Variants in HECW1 observed in about 807,000 individuals in gnomAD.
The protein encoded by HECW1 is E3 ubiquitin-protein ligase HECW1.
Under a neutral mutation model 182.3 loss-of-function variants are expected in HECW1, and 61 were observed. The observed-to-expected ratio is 0.33, with a 90% CI of 0.27 to 0.41. The LOEUF is 0.41. Among genes scored for constraint, HECW1 ranks in the 10% least tolerant of loss-of-function variants. HECW1 has a pLI of 1.00. For missense variants in HECW1, 1,739 were observed against 2,108.9 expected (o/e 0.82, Z 3.44); for synonymous variants, 859 against 832.6 (o/e 1.03, Z -0.55).
intron 15 of HECW1, among the ~76,000 whole-genome samples, chr7:43,468,122 TGTACC>T (rs1354184439): frequency 7.9e-5 from 12 of 151,770 alleles, no homozygotes; most frequent in Non-Finnish European, 1.5e-4. Flanking sequence ...ACCAACCCTG[TGTACC>T]GTCACATTGT....
intron 16 of HECW1, 101 bp from the exon 17 acceptor site, chr7:43,479,509 A>C (rs2078341446): frequency 7.2e-7 from 1 of 1,382,064 alleles, no homozygotes; most frequent in South Asian, 1.3e-5. Flanking sequence ...GGGCAGAAAT[A>C]AACCTGAGGC....
At chr7:43,550,362 C>T (rs1440294647) in intron 26 of HECW1, 83 bp from the exon 27 acceptor site, 29 of 1,482,656 alleles carry the variant, frequency 2.0e-5, no homozygotes, top group African/African-American at 8.3e-5. Context: ...TTTTGGCATA[C>T]GGTCATCCCC....
At chr7:43,125,314 T>C (rs1786089202) in intron 2 of HECW1, among the ~76,000 whole-genome samples, 1 of 152,192 alleles carries the variant, frequency 6.6e-6, no homozygotes, top group Admixed American at 6.5e-5. Context: ...AAAAAGACCA[T>C]GATCATGGCT....
At chr7:43,192,228 C>T (rs562255463) in intron 2 of HECW1, among the ~76,000 whole-genome samples, 4 of 152,020 alleles carry the variant, frequency 2.6e-5, no homozygotes, top group Non-Finnish European at 2.9e-5. Flanking sequence ...CAAAGTGCTG[C>T]GATTACAGGC....
rs1397785355 is a variant in HECW1 at position 43,562,234 on chromosome 7, G to A, written c.*308G>A. ...TACTAACAATGAAATATGAATGCAA[G>A]TTAAGCTACACTTGACCAAATGGTA... On this transcript the variant is annotated 3_prime_UTR_variant, in exon 30 of 30. Coordinates refer to ENST00000395891, the MANE Select transcript of HECW1 (RefSeq NM_015052.5). 1.1e-5 allele frequency: 3 copies of A among 280,764 alleles called. No individual in the cohort carries two copies. Among genetic ancestry groups the A allele is most frequent in the African/African-American group, 4.3e-5 (2 of 46,226 alleles). The allele number at this position is 280,764 out of a possible 1,614,324, so 17.4% of individuals were successfully genotyped here. A position where few individuals can be genotyped will look rare whatever the true frequency, so the allele number is the denominator to read the frequency against.
At chr7:43,392,095 G>A (rs140890780) in intron 6 of HECW1, among the ~76,000 whole-genome samples, 219 of 152,152 alleles carry the variant, frequency 1.4e-3, no homozygotes, top group African/African-American at 5.1e-3. Context: ...TCATTTTTAG[G>A]TTCCATTATT....
intron 8 of HECW1, among the ~76,000 whole-genome samples, chr7:43,424,175 C>T (rs1371113755): frequency 6.6e-6 from 1 of 152,130 alleles, no homozygotes; most frequent in East Asian, 1.9e-4. Context: ...CTTAGCAGGT[C>T]CCCATCTTTG....
chr7:43,237,997 A>G (rs1050809509), intron 2 of HECW1, among the ~76,000 whole-genome samples: 6 of 152,190 alleles, frequency 3.9e-5, no homozygotes, highest in African/African-American at 1.4e-4. Flanking sequence ...ATTCTGCCCC[A>G]TCATATTGCT....
intron 6 of HECW1, among the ~76,000 whole-genome samples, chr7:43,385,402 T>G (rs2074753720): frequency 6.7e-6 from 1 of 150,346 alleles, no homozygotes; most frequent in South Asian, 2.1e-4. Context: ...TCTTCTGCCC[T>G]CTAATTTTGT....
At chr7:43,522,638 A>G (rs1402460176) in intron 24 of HECW1, 6 of 156,912 alleles carry the variant, frequency 3.8e-5, no homozygotes, top group Admixed American at 3.1e-4. Flanking sequence ...TCTAGACACC[A>G]TGCCTCAGTC....
At chr7:43,144,285 A>T (rs1220017482) in intron 2 of HECW1, among the ~76,000 whole-genome samples, 1 of 152,086 alleles carries the variant, frequency 6.6e-6, no homozygotes, top group East Asian at 1.9e-4. Flanking sequence ...TATCAATATG[A>T]CTCATCACTG....
chr7:43,556,183 C>T (rs2082012092), intron 29 of HECW1, among the ~76,000 whole-genome samples: 1 of 152,106 alleles, frequency 6.6e-6, no homozygotes, highest in South Asian at 2.1e-4. Context: ...GAGAACATGC[C>T]ACTAAAAAAC....
chr7:43,144,937 A>G (rs943223648), intron 2 of HECW1, among the ~76,000 whole-genome samples: 2 of 152,226 alleles, frequency 1.3e-5, no homozygotes, highest in African/African-American at 2.4e-5. Context: ...CTTGCTTTTA[A>G]AATTCCTTCT....
chr7:43,291,089 A>G (rs1805342393), intron 3 of HECW1, among the ~76,000 whole-genome samples: 1 of 152,228 alleles, frequency 6.6e-6, no homozygotes, highest in Admixed American at 6.5e-5. Context: ...TATATGTACA[A>G]TGTTTATTTA....
Position 43,360,959 on chromosome 7 carries a change from G to T in HECW1, c.534G>T (p.Thr178=), listed in dbSNP as rs771280824. The T allele has an allele frequency of 3.7e-6, 6 of 1,611,368 alleles. No individual in the cohort carries two copies. Among genetic ancestry groups the T allele is most frequent in the South Asian group, 1.1e-5 (1 of 90,564 alleles). ...TGCGAGCAACCACCCCCAGTGTCAC[G>T]GTCAAAAACTCGGCAGCTCCTGTAA... ...GALRATTPSV[T]VKNSAAPIFK... is the part of the protein sequence containing the mutation. The change falls in exon 6 of 30, where the codon ACG becomes ACT. Residue 178 remains threonine, a synonymous_variant. Coordinates refer to ENST00000395891, the MANE Select transcript of HECW1 (RefSeq NM_015052.5).
Position 43,407,732 on chromosome 7 carries a change from G to T in HECW1, c.801+1G>T. The T allele has an allele frequency of 6.2e-7, 1 of 1,609,248 alleles. No individual in the cohort carries two copies. Among genetic ancestry groups the T allele is most frequent in the Non-Finnish European group, 8.5e-7 (1 of 1,176,664 alleles). ...CGTGAACCCCATCTGGCAGGCCGAG[G>T]TGAGTGCTGTGGGCCCTGAAAAAAA... On this transcript the variant is annotated splice_donor_variant, in intron 8 of 29. Transcript: ENST00000395891. LOFTEE classifies it high-confidence loss of function.
intron 13 of HECW1, among the ~76,000 whole-genome samples, chr7:43,461,088 A>G (rs2077566760): frequency 6.6e-6 from 1 of 152,194 alleles, no homozygotes; most frequent in African/African-American, 2.4e-5. Flanking sequence ...ACTACACCAA[A>G]CGTAGTGGCA....
At chr7:43,526,741 C>A (rs886406075) in intron 24 of HECW1, among the ~76,000 whole-genome samples, 2 of 152,312 alleles carry the variant, frequency 1.3e-5, no homozygotes, top group Non-Finnish European at 1.5e-5. Flanking sequence ...TGGCTCACGC[C>A]TGTAATCCCA....
chr7:43,360,966 A>G lies in HECW1; in HGVS notation c.541A>G (p.Asn181Asp). The G allele has an allele frequency of 6.2e-7, 1 of 1,610,672 alleles. No homozygotes were observed. Among genetic ancestry groups the G allele is most frequent in the Non-Finnish European group, 8.5e-7 (1 of 1,178,312 alleles). ...AACCACCCCCAGTGTCACGGTCAAA[A>G]ACTCGGCAGCTCCTGTAAGTCTCAT... Reference protein sequence around the residue: ...RATTPSVTVKNSAAPIFKSIG... With the variant: ...RATTPSVTVKDSAAPIFKSIG... Residue 181 changes from asparagine (N) to aspartate (D), a missense_variant, in exon 6 of 30, where the codon AAC becomes GAC. Physicochemically the swap from Asn to Asp is conservative, Grantham distance 23. Around this residue, in one of 5 missense-constraint regions of HECW1, gnomAD observed 279 missense variants for 353.1 expected, o/e 0.79. Transcript: ENST00000395891.
Sources: allele counts gnomAD v4.1 joint callset (sites outside exome capture counted in the v4.1 genomes callset), GRCh38; gene constraint gnomAD v4.1.1; regional missense constraint gnomAD v4.1.1; transcripts MANE v1.5; gene names NCBI Gene and HGNC (gene_info 2026-07-23, HGNC 2026-07-21).